CSMD3: variants seen among roughly 807,000 people sequenced by gnomAD.
The protein encoded by CSMD3 is CUB and Sushi multiple domains 3.
CSMD3 carries 177 observed loss-of-function variants against 435.2 expected under a neutral mutation model. The observed-to-expected ratio is 0.41, with a 90% CI of 0.36 to 0.46. CSMD3 has a LOEUF of 0.46. Among genes scored for constraint, CSMD3 ranks in the 20% least tolerant of loss-of-function variants. CSMD3 has a pLI of 0.34. For synonymous variants in CSMD3, 1,656 were observed against 1,520.5 expected, an observed-to-expected ratio of 1.09 and a Z score of -2.07; for missense variants, 4,265 against 4,504.6, an observed-to-expected ratio of 0.95 and a Z score of 1.52.
intron 13 of CSMD3, among the ~76,000 whole-genome samples, chr8:112,719,303 A>C (rs906112696): frequency 6.6e-6 from 1 of 152,184 alleles, no homozygotes; most frequent in African/African-American, 2.4e-5. Flanking sequence ...AAAGGTCAGC[A>C]ACATAATATG....
At chr8:112,257,959 G>C (rs1272185818) in intron 61 of CSMD3, among the ~76,000 whole-genome samples, 12 of 151,990 alleles carry the variant, frequency 7.9e-5, no homozygotes, top group African/African-American at 1.9e-4. Flanking sequence ...CAGAACAGAG[G>C]CCTCAGAAAT....
intron 9 of CSMD3, among the ~76,000 whole-genome samples, chr8:112,937,904 C>CA (rs2083335210): frequency 6.6e-6 from 1 of 151,880 alleles, no homozygotes; most frequent in African/African-American, 2.4e-5. Flanking sequence ...CATCAGCATT[C>CA]AAAAATAGAA....
At chr8:112,235,586 A>G (rs2129964093) in intron 67 of CSMD3, among the ~76,000 whole-genome samples, 1 of 152,208 alleles carries the variant, frequency 6.6e-6, no homozygotes, top group South Asian at 2.1e-4. Context: ...CTGGAGGGAA[A>G]AAATTGTTTA....
chr8:112,897,664 TTCTCTCTCTCTC>T (rs148140086), intron 10 of CSMD3, among the ~76,000 whole-genome samples: 4,508 of 134,856 alleles, frequency 0.033, 80 homozygotes, highest in Non-Finnish European at 0.038. Context: ...AAAATACTAT[TTCTCTCTCTCTC>T]TCTCTCTCTC....
chr8:113,309,219 T>A (rs947063755), intron 2 of CSMD3: 1 of 152,106 alleles, frequency 6.6e-6, no homozygotes, highest in Non-Finnish European at 1.5e-5. Flanking sequence ...TTCTTTTTTT[T>A]AATGATTTTA....
intron 32 of CSMD3, among the ~76,000 whole-genome samples, chr8:112,432,957 A>C (rs1460845583): frequency 6.6e-6 from 1 of 152,038 alleles, no homozygotes; most frequent in Non-Finnish European, 1.5e-5. Context: ...ATCAGGTGCT[A>C]AACTATTAAT....
intron 27 of CSMD3, among the ~76,000 whole-genome samples, chr8:112,549,794 T>C (rs759816077): frequency 2.6e-4 from 40 of 152,014 alleles, no homozygotes; most frequent in Non-Finnish European, 4.9e-4. Flanking sequence ...AAACCCAGTA[T>C]CGGGTCACTA....
chr8:112,777,194 G>T (rs2078267940), intron 13 of CSMD3, among the ~76,000 whole-genome samples: 1 of 151,672 alleles, frequency 6.6e-6, no homozygotes, highest in Admixed American at 6.6e-5. Context: ...AACTTTCCAG[G>T]CTTTGTCTGG....
intron 23 of CSMD3, among the ~76,000 whole-genome samples, chr8:112,579,413 T>C (rs758805839): frequency 9.2e-5 from 14 of 151,892 alleles, no homozygotes; most frequent in Non-Finnish European, 1.6e-4. Context: ...GAATGTGGAG[T>C]TGGTTAGAGA....
In CSMD3 at chr8:112,384,907, G is replaced by A. The variant is rs529928364; in HGVS notation, c.5935-1244C>T. ...TCAGAGGAAGAAAATACTGCATTCA[G>A]CTTTTTAAAAAATGTGAAGATTCAC... On this transcript the variant is annotated intron_variant, in intron 36 of 70. Coordinates refer to ENST00000297405, the MANE Select transcript of CSMD3 (RefSeq NM_198123.2). 2.0e-5 allele frequency among the ~76,000 whole-genome samples: 3 copies of A among 152,158 alleles called. No individual in the cohort carries two copies. In the East Asian group the frequency reaches 5.8e-4, roughly 29 times the overall value.
chr8:113,255,543 A>T (rs971395407), intron 3 of CSMD3, among the ~76,000 whole-genome samples: 20 of 151,982 alleles, frequency 1.3e-4, no homozygotes, highest in Non-Finnish European at 2.2e-4. Context: ...AAATGTTGCA[A>T]CTCTGAGTTG....
intron 18 of CSMD3, 83 bp from the exon 19 acceptor site, chr8:112,650,432 T>C: frequency 9.4e-7 from 1 of 1,062,272 alleles, no homozygotes; most frequent in Non-Finnish European, 1.5e-6. Flanking sequence ...CTTCAAACAA[T>C]TACAAGCAAT....
intron 1 of CSMD3, among the ~76,000 whole-genome samples, chr8:113,336,451 A>T (rs2094075734): frequency 6.6e-6 from 1 of 151,966 alleles, no homozygotes; most frequent in Admixed American, 6.6e-5. Context: ...TTTTTTACTT[A>T]GTTTGATATC....
At chr8:112,287,626 T>C (rs563972456) in intron 57 of CSMD3, among the ~76,000 whole-genome samples, 2 of 152,282 alleles carry the variant, frequency 1.3e-5, no homozygotes, top group African/African-American at 4.8e-5. Context: ...TTCTGCAATT[T>C]GCATGTTTCC....
At chr8:112,259,250 C>T (rs191617832) in intron 61 of CSMD3, among the ~76,000 whole-genome samples, 81 of 152,038 alleles carry the variant, frequency 5.3e-4, no homozygotes, top group Non-Finnish European at 8.7e-4. Flanking sequence ...CCATGGAATA[C>T]TATGCAGCCA....
At chr8:112,800,973 A>T (rs2078947234) in intron 12 of CSMD3, among the ~76,000 whole-genome samples, 1 of 151,982 alleles carries the variant, frequency 6.6e-6, no homozygotes, top group Admixed American at 6.6e-5. Flanking sequence ...AACTGAAGCC[A>T]AAGGTCATTA....
At position 112,899,218 on chromosome 8, in the gene CSMD3, C is replaced by A. The variant is rs562107189; in HGVS notation, c.1633+22409G>T. The stretch of plus-strand genomic sequence containing the variant: ...TCTAATAACCTGAACACTAATCTTA[C>A]AATTGTCCCAGACTATGCAGAAACT... On this transcript the variant is annotated intron_variant, in intron 10 of 70. Coordinates refer to ENST00000297405, the MANE Select transcript of CSMD3 (RefSeq NM_198123.2). 2.0e-5 allele frequency among the ~76,000 whole-genome samples: 3 copies of A among 151,078 alleles called. No individual in the cohort carries two copies. The South Asian group carries it at 6.2e-4, about 31-fold the overall frequency.
chr8:112,440,723 A>C (rs1814909000), intron 32 of CSMD3, among the ~76,000 whole-genome samples: 1 of 152,324 alleles, frequency 6.6e-6, no homozygotes, highest in South Asian at 2.1e-4. Context: ...GCCATGTGGA[A>C]GCTGCCAAGG....
rs371009335 is a variant in CSMD3, at chr8:112,408,943, A to T, written c.5485T>A (p.Ser1829Thr). 27 of 1,613,552 alleles carry T rather than the reference A, an allele frequency of 1.7e-5. No homozygotes were observed. The highest frequency in any genetic ancestry group is 2.2e-5 in the Non-Finnish European group (26 of 1,179,686). ...DGPTQQSSLL[S>T]SLSGSHSGES... Reference sequence around the variant, plus strand: ...CCTGAATGGGATCCTGAGAGGGAAGATAACAGAGAAGATTGCTGAGTTGGC... The same window carrying T: ...CCTGAATGGGATCCTGAGAGGGAAGTTAACAGAGAAGATTGCTGAGTTGGC... Residue 1829 changes from serine to threonine, a missense_variant, in exon 33 of 71, where the codon TCT becomes ACT. By Grantham distance (58) the Ser-to-Thr change is moderately conservative. This residue lies in a region of CSMD3 where 3,255 missense variants were observed against 3,380.2 expected (regional missense o/e 0.96). Transcript: ENST00000297405.
Sources: gnomAD v4.1 joint callset for allele counts (sites outside exome capture counted in the v4.1 genomes callset) on GRCh38, gnomAD v4.1.1 for gene constraint, gnomAD v4.1.1 regional missense constraint, MANE v1.5 for transcripts, NCBI Gene and HGNC (gene_info 2026-07-23, HGNC 2026-07-21) for gene names.